Variants in DCLK1 observed in about 807,000 individuals in gnomAD.
DCLK1 encodes doublecortin like kinase 1.
DCLK1 carries 16 observed loss-of-function variants against 86.2 expected under a neutral mutation model. That is an observed-to-expected ratio of 0.19 (90% CI 0.13 to 0.28). The LOEUF (loss-of-function observed/expected upper bound fraction) is 0.28. Among genes scored for constraint, DCLK1 ranks in the 10% least tolerant of loss-of-function variants. The pLI is 1.00. For missense variants in DCLK1, 590 were observed against 940.2 expected, an observed-to-expected ratio of 0.63 and a Z score of 4.87; for synonymous variants, 369 against 370.5, an observed-to-expected ratio of 1.00 and a Z score of 0.05.
chr13:36,078,564 A>C (rs921001690), intron 3 of DCLK1, among the ~76,000 whole-genome samples: 2 of 152,224 alleles, frequency 1.3e-5, no homozygotes, highest in Admixed American at 6.5e-5. Flanking sequence ...AGTGGTTTAC[A>C]AATTGTAGAT....
chr13:36,023,721 T>C (rs949551558), intron 3 of DCLK1, among the ~76,000 whole-genome samples: 2 of 152,048 alleles, frequency 1.3e-5, no homozygotes, highest in African/African-American at 4.8e-5. Flanking sequence ...CTCTAACACC[T>C]TTCATAATAA....
intron 3 of DCLK1, among the ~76,000 whole-genome samples, chr13:35,991,914 A>T (rs1344706481): frequency 6.6e-6 from 1 of 152,148 alleles, no homozygotes; most frequent in Non-Finnish European, 1.5e-5. Flanking sequence ...TATACACGGC[A>T]TTGATCAAGC....
intron 3 of DCLK1, among the ~76,000 whole-genome samples, chr13:36,005,061 C>A (rs1384229517): frequency 6.6e-6 from 1 of 152,148 alleles, no homozygotes; most frequent in East Asian, 1.9e-4. Flanking sequence ...GTAAGCCCAA[C>A]AGAGCTTTAA....
chr13:35,881,629 C>T (rs750192837), intron 4 of DCLK1, among the ~76,000 whole-genome samples: 4 of 152,154 alleles, frequency 2.6e-5, no homozygotes, highest in Non-Finnish European at 5.9e-5. Flanking sequence ...CACTATGGCT[C>T]GGTACATTTC....
In DCLK1 at chr13:35,773,941, C is replaced by T. The variant is rs2086376409; in HGVS notation, c.*594G>A. ...TGCAGAACTCACTGCAACTGACAGT[C>T]ATATCTCTAATGAAAAAAAAAATCT... On this transcript the variant is annotated 3_prime_UTR_variant, in exon 17 of 17. Transcript: ENST00000360631. 1 of 151,438 alleles carries T rather than the reference C, an allele frequency of 6.6e-6. No individual in the cohort carries two copies. The allele number at this position is 151,438 out of a possible 1,614,324, so 9.4% of individuals were successfully genotyped here.
At chr13:35,945,347 G>A (rs1485422552) in intron 4 of DCLK1, among the ~76,000 whole-genome samples, 2 of 152,132 alleles carry the variant, frequency 1.3e-5, no homozygotes, top group Non-Finnish European at 2.9e-5. Context: ...GAGTAGCTGC[G>A]GCATCCTGGG....
intron 8 of DCLK1, among the ~76,000 whole-genome samples, chr13:35,830,333 G>C (rs1053027051): frequency 6.6e-6 from 1 of 152,180 alleles, no homozygotes; most frequent in East Asian, 1.9e-4. Context: ...AAAGGCTGCA[G>C]TGAGCCGAGA....
intron 3 of DCLK1, among the ~76,000 whole-genome samples, chr13:36,057,738 T>C (rs1883389939): frequency 6.6e-6 from 1 of 152,200 alleles, no homozygotes; most frequent in Non-Finnish European, 1.5e-5. Flanking sequence ...TGGCTTTTAG[T>C]TTGCAGAATG....
At chr13:35,794,288 T>C (rs1428153492) in intron 15 of DCLK1, among the ~76,000 whole-genome samples, 1 of 152,244 alleles carries the variant, frequency 6.6e-6, no homozygotes, top group South Asian at 2.1e-4. Context: ...GGTCTTAGCA[T>C]AGTGCCTTGG....
chr13:35,966,894 T>G (rs1402807741), intron 3 of DCLK1, among the ~76,000 whole-genome samples: 1 of 151,994 alleles, frequency 6.6e-6, no homozygotes, highest in Admixed American at 6.6e-5. Context: ...CCTCCCAAAG[T>G]GCCGAGATTG....
At chr13:35,948,318 G>C (rs1030546235) in intron 3 of DCLK1, among the ~76,000 whole-genome samples, 1 of 152,172 alleles carries the variant, frequency 6.6e-6, no homozygotes, top group Non-Finnish European at 1.5e-5. Flanking sequence ...TGACCACTTG[G>C]ACGAATCATA....
At chr13:36,122,142 G>A (rs1886014396) in intron 2 of DCLK1, among the ~76,000 whole-genome samples, 1 of 152,158 alleles carries the variant, frequency 6.6e-6, no homozygotes, top group Admixed American at 6.5e-5. Flanking sequence ...TAGGGAATAG[G>A]AAAAGATGGG....
At chr13:35,909,534 A>G (rs1375593448) in intron 4 of DCLK1, among the ~76,000 whole-genome samples, 1 of 150,584 alleles carries the variant, frequency 6.6e-6, no homozygotes, top group East Asian at 2.0e-4. Flanking sequence ...TTTGTATGCA[A>G]TGAGAAATGG....
chr13:35,977,822 G>A (rs1879421471), intron 3 of DCLK1, among the ~76,000 whole-genome samples: 1 of 152,024 alleles, frequency 6.6e-6, no homozygotes, highest in South Asian at 2.1e-4. Context: ...AGGCCCAGAT[G>A]TTGTCTCGGT....
chr13:35,963,574 G>A (rs1453754105), intron 3 of DCLK1, among the ~76,000 whole-genome samples: 5 of 152,282 alleles, frequency 3.3e-5, no homozygotes, highest in South Asian at 2.1e-4. Context: ...CCAGAACCAC[G>A]AAGTAGTTAA....
At chr13:35,997,034 G>C (rs1880507589) in intron 3 of DCLK1, among the ~76,000 whole-genome samples, 1 of 136,628 alleles carries the variant, frequency 7.3e-6, no homozygotes, top group South Asian at 2.4e-4. Context: ...CCTCCTGCTA[G>C]AAACAGAGTT....
intron 3 of DCLK1, among the ~76,000 whole-genome samples, chr13:36,082,286 GA>G (rs1884446786): frequency 6.6e-6 from 1 of 151,952 alleles, no homozygotes; most frequent in African/African-American, 2.4e-5. Context: ...TCCACTTAAC[GA>G]ATAGGAGTTA....
intron 2 of DCLK1, among the ~76,000 whole-genome samples, chr13:36,114,066 A>G (rs1885699831): frequency 6.6e-6 from 1 of 152,236 alleles, no homozygotes; most frequent in Non-Finnish European, 1.5e-5. Context: ...CTAAGCTAAT[A>G]ACTAAAAGCA....
At chr13:36,093,573 A>G (rs1014085306) in intron 3 of DCLK1, among the ~76,000 whole-genome samples, 1 of 152,206 alleles carries the variant, frequency 6.6e-6, no homozygotes, top group Non-Finnish European at 1.5e-5. Flanking sequence ...GTACCATGCT[A>G]GAGACCCCTG....
Sources: gnomAD v4.1 joint callset for allele counts (sites outside exome capture counted in the v4.1 genomes callset) on GRCh38, gnomAD v4.1.1 for gene constraint, MANE v1.5 for transcripts, NCBI Gene and HGNC (gene_info 2026-07-23, HGNC 2026-07-21) for gene names.